The following CHN2 variants were observed in gnomAD, a reference collection of about 807,000 sequenced individuals.
CHN2 encodes the protein beta-chimaerin.
CHN2 carries 35 observed loss-of-function variants against 56.3 expected under a neutral mutation model. The ratio of observed to expected loss-of-function variants is 0.62; its 90% CI spans 0.47 to 0.82. CHN2 has a LOEUF of 0.82. CHN2 is among the 40% of genes least tolerant of loss of function. The pLI, the probability that CHN2 is intolerant of heterozygous loss-of-function variation, is 0.00. For missense variants in CHN2, 491 were observed against 580.5 expected, an observed-to-expected ratio of 0.85 and a Z score of 1.58; for synonymous variants, 210 against 212.8, an observed-to-expected ratio of 0.99 and a Z score of 0.12.
At chr7:29,505,875 T>C (rs995573222) in intron 10 of CHN2, among the ~76,000 whole-genome samples, 1 of 152,234 alleles carries the variant, frequency 6.6e-6, no homozygotes, top group African/African-American at 2.4e-5. Flanking sequence ...GCTTGGCACA[T>C]GACAGATTCC....
At chr7:29,419,043 G>A (rs1804063496) in intron 6 of CHN2, among the ~76,000 whole-genome samples, 1 of 152,134 alleles carries the variant, frequency 6.6e-6, no homozygotes, top group Admixed American at 6.5e-5. Flanking sequence ...GCACATGGTG[G>A]CAGTTCTTTT....
intron 6 of CHN2, among the ~76,000 whole-genome samples, chr7:29,404,508 T>C (rs1182960777): frequency 1.3e-5 from 2 of 152,136 alleles, no homozygotes; most frequent in Non-Finnish European, 2.9e-5. Flanking sequence ...TTAATGTCCA[T>C]CAATTTGAGA....
chr7:29,346,957 G>A (rs1391283907), intron 1 of CHN2, among the ~76,000 whole-genome samples: 1 of 152,170 alleles, frequency 6.6e-6, no homozygotes, highest in Non-Finnish European at 1.5e-5. Context: ...TCCAGCTGCA[G>A]CCATCCAAAC....
chr7:29,434,824 T>C (rs1783106003), intron 6 of CHN2, among the ~76,000 whole-genome samples: 2 of 152,284 alleles, frequency 1.3e-5, no homozygotes, highest in East Asian at 1.9e-4. Context: ...CAGCACAGTG[T>C]CTCATGCCTG....
At chr7:29,374,855 C>CCTTCCTG (rs1562557554) in intron 3 of CHN2, among the ~76,000 whole-genome samples, 8 of 69,792 alleles carry the variant, frequency 1.1e-4, no homozygotes, top group African/African-American at 2.6e-4. Context: ...CTTCCTGCCT[C>CCTTCCTG]CCTCCCTCCC....
chr7:29,247,945 A>G (rs1311389431), intron 1 of CHN2, among the ~76,000 whole-genome samples: 1 of 152,230 alleles, frequency 6.6e-6, no homozygotes, highest in Non-Finnish European at 1.5e-5. Flanking sequence ...ATGTGAAACC[A>G]TGTGCTTTCT....
intron 1 of CHN2, among the ~76,000 whole-genome samples, chr7:29,327,128 G>A (rs932262570): frequency 1.3e-5 from 2 of 152,168 alleles, no homozygotes; most frequent in Non-Finnish European, 2.9e-5. Context: ...AACAGGAAGG[G>A]AAGCACCAGT....
chr7:29,450,778 CTT>C lies in CHN2; in HGVS notation c.577-29490_577-29489del, dbSNP rs57478438. On this transcript the variant is annotated intron_variant, in intron 6 of 12. Coordinates refer to ENST00000222792, the MANE Select transcript of CHN2 (RefSeq NM_004067.4). ...TGGTAGGTACATTACTTCATTACTT[CTT>C]TTTTTTTTTTGAGATGGAGTCTTGC... 5.6e-3 allele frequency among the ~76,000 whole-genome samples: 828 copies of C among 147,770 alleles called. 13 individuals are homozygous for C. The highest frequency in any genetic ancestry group is 0.019 in the African/African-American group (773 of 40,442).
At chr7:29,330,433 A>C (rs554179014) in intron 1 of CHN2, among the ~76,000 whole-genome samples, 4 of 152,206 alleles carry the variant, frequency 2.6e-5, no homozygotes, top group Non-Finnish European at 4.4e-5. Flanking sequence ...ACGTAAGAAA[A>C]AGAGAGTCCC....
rs1024611827 is a variant in CHN2 at position 29,400,665 on chromosome 7, C to T, written c.413C>T (p.Thr138Ile). The change falls in exon 6 of 13, where the codon ACA (threonine) becomes ATA (isoleucine). Residue 138 changes from threonine to isoleucine, a missense_variant. Physicochemically the swap from Thr to Ile is moderately conservative, Grantham distance 89. Coordinates refer to ENST00000222792, the MANE Select transcript of CHN2 (RefSeq NM_004067.4). ...GGCTTGATAACACTGTACATAGAAA[C>T]AAAAGCTGCCGAGTACATTTCAAAA... ...TDGLITLYIE[T>I]KAAEYISKMT... is the part of the protein sequence containing the mutation. 7 of 1,614,030 alleles carry T rather than the reference C, an allele frequency of 4.3e-6. No individual in the cohort carries two copies. Among genetic ancestry groups the T allele is most frequent in the Non-Finnish European group, 5.1e-6 (6 of 1,180,038 alleles).
chr7:29,260,422 C>T (rs562833827), intron 1 of CHN2, among the ~76,000 whole-genome samples: 10 of 152,008 alleles, frequency 6.6e-5, no homozygotes, highest in African/African-American at 2.2e-4. Context: ...TTTTCATTTG[C>T]GGAACTGGGT....
At chr7:29,361,776 G>A (rs1798752958) in intron 2 of CHN2, among the ~76,000 whole-genome samples, 1 of 152,212 alleles carries the variant, frequency 6.6e-6, no homozygotes, top group Non-Finnish European at 1.5e-5. Context: ...TTGTATAGTA[G>A]CATCTCAATC....
At chr7:29,493,169 T>C (rs1409416838) in intron 7 of CHN2, among the ~76,000 whole-genome samples, 1 of 152,196 alleles carries the variant, frequency 6.6e-6, no homozygotes, top group Non-Finnish European at 1.5e-5. Flanking sequence ...GGTACATAAA[T>C]ACTTACTGTT....
chr7:29,208,531 G>A (rs1784688218), intron 1 of CHN2, among the ~76,000 whole-genome samples: 1 of 152,182 alleles, frequency 6.6e-6, no homozygotes, highest in South Asian at 2.1e-4. Context: ...ACGTGGGGAT[G>A]ATATTGTGCC....
chr7:29,156,030 C>T (rs1794324108), intron 2 of CHN2, among the ~76,000 whole-genome samples: 1 of 152,184 alleles, frequency 6.6e-6, no homozygotes, highest in South Asian at 2.1e-4. Context: ...GTTTTCTTCC[C>T]TTAAATCAAA....
intron 6 of CHN2, among the ~76,000 whole-genome samples, chr7:29,413,912 C>A (rs558904392): frequency 9.7e-4 from 148 of 152,306 alleles, no homozygotes; most frequent in African/African-American, 3.5e-3. Context: ...CTGCTCTGGA[C>A]TGATTTGTTC....
rs1476187880 is a variant in CHN2, at chr7:29,213,052, A to T, written c.49+18062A>T. The T allele has an allele frequency of 2.0e-5, 32 of 1,608,182 alleles. No individual in the cohort carries two copies. The Admixed American group carries it at 4.7e-4, about 23-fold the overall frequency. On this transcript the variant is annotated intron_variant, in intron 1 of 12. Coordinates refer to ENST00000222792, the MANE Select transcript of CHN2 (RefSeq NM_004067.4). ...TGGAGAGGAATCTCTGCAGTCCTGC[A>T]TGCAGTTCCAGCCAAATTCACCTTC...
intron 3 of CHN2, among the ~76,000 whole-genome samples, chr7:29,379,175 A>G (rs1401779443): frequency 6.6e-6 from 1 of 152,194 alleles, no homozygotes; most frequent in Non-Finnish European, 1.5e-5. Flanking sequence ...TTCATGTTTA[A>G]CATGCATAAA....
At chr7:29,306,922 A>C (rs1364455222) in intron 1 of CHN2, among the ~76,000 whole-genome samples, 1 of 152,232 alleles carries the variant, frequency 6.6e-6, no homozygotes, top group Non-Finnish European at 1.5e-5. Flanking sequence ...AAGCATGTGG[A>C]ATAATTAGCT....
Sources: gnomAD v4.1 joint callset for allele counts (sites outside exome capture counted in the v4.1 genomes callset) on GRCh38, gnomAD v4.1.1 for gene constraint, MANE v1.5 for transcripts, NCBI Gene and HGNC (gene_info 2026-07-23, HGNC 2026-07-21) for gene names.